RAB4B: variants seen among roughly 807,000 people sequenced by gnomAD.
RAB4B encodes the protein ras-related protein Rab-4B.
In RAB4B, 15 loss-of-function variants were observed where a neutral mutation model predicts 28.3. That is an observed-to-expected ratio of 0.53 (90% CI 0.35 to 0.82). The LOEUF (loss-of-function observed/expected upper bound fraction) is 0.82. Ranked by LOEUF, RAB4B falls within the 40% of genes least tolerant of loss-of-function variation. The probability of loss-of-function intolerance (pLI) is 0.01; values close to 1 mark genes in which losing one functional copy is unlikely to be tolerated. For synonymous variants in RAB4B, 108 were observed against 116.3 expected, an observed-to-expected ratio of 0.93 and a Z score of 0.46; for missense variants, 244 against 288.5, an observed-to-expected ratio of 0.85 and a Z score of 1.12.
At chr19:40,793,565 C>CTTTTTTTTTTTTTTTTTT (rs1269603015) in intron 7 of RAB4B, among the ~76,000 whole-genome samples, 4 of 123,814 alleles carry the variant, frequency 3.2e-5, no homozygotes, top group South Asian at 2.7e-4. Flanking sequence ...CTTTTCTTTT[C>CTTTTTTTTTTTTTTTTTT]TTTTTTGTTT....
chr19:40,783,617 A>G (rs2145044337), intron 3 of RAB4B, among the ~76,000 whole-genome samples, 161 bp from the exon 4 acceptor site: 1 of 151,918 alleles, frequency 6.6e-6, no homozygotes, highest in Middle Eastern at 3.4e-3. Context: ...GGATGCAAGA[A>G]GAGAGAGGAA....
chr19:40,781,638 G>GGAGA (rs371458951), intron 3 of RAB4B, among the ~76,000 whole-genome samples: 2,606 of 150,942 alleles, frequency 0.017, 32 homozygotes, highest in Non-Finnish European at 0.025. Context: ...ACGTGTTGTG[G>GGAGA]GAGAGAGAGA....
At chr19:40,782,214 G>A (rs1259917751) in intron 3 of RAB4B, among the ~76,000 whole-genome samples, 1 of 152,094 alleles carries the variant, frequency 6.6e-6, no homozygotes, top group Non-Finnish European at 1.5e-5. Flanking sequence ...GGATAGACAG[G>A]TGTGTAGCAT....
intron 3 of RAB4B, among the ~76,000 whole-genome samples, chr19:40,783,353 C>T (rs111990666): frequency 0.014 from 2,155 of 151,422 alleles, 65 homozygotes; most frequent in African/African-American, 0.049. Context: ...AGGATCTCTC[C>T]GTTGGGATAC....
chr19:40,794,866 T>C (rs7249450), intron 7 of RAB4B: 117,122 of 151,672 alleles, frequency 0.77, 45,519 homozygotes, highest in African/African-American at 0.83. Flanking sequence ...TGTGCCAGGC[T>C]GGGCATGGTG....
chr19:40,787,985 A>AAAAAC (rs2083118225), intron 7 of RAB4B, among the ~76,000 whole-genome samples: 2 of 143,896 alleles, frequency 1.4e-5, no homozygotes, highest in African/African-American at 5.1e-5. Flanking sequence ...AAAAAAAAAA[A>AAAAAC]AAGAGACATC....
In RAB4B at chr19:40,795,679, G is replaced by A. The variant is rs551688138; in HGVS notation, c.*16-891G>A. Among the ~76,000 whole-genome samples, 189 of 151,934 alleles carry A rather than the reference G, an allele frequency of 1.2e-3. 1 individual carries two copies. The highest frequency in any genetic ancestry group is 4.3e-3 in the African/African-American group (176 of 41,402). On this transcript the variant is annotated intron_variant, in intron 7 of 7. Transcript: ENST00000357052. ...CAAAGTGCTGGGATTACAGGCGTGAGCCACCGTGCCTGGCCGATTTATTTA... is the reference window on the plus strand; with the variant it reads ...CAAAGTGCTGGGATTACAGGCGTGAACCACCGTGCCTGGCCGATTTATTTA...
intron 7 of RAB4B, among the ~76,000 whole-genome samples, chr19:40,789,938 G>C (rs1599747870): frequency 6.6e-6 from 1 of 152,214 alleles, no homozygotes; most frequent in Non-Finnish European, 1.5e-5. Flanking sequence ...TCTAGCGAGG[G>C]GTATGCCTGG....
intron 1 of RAB4B, among the ~76,000 whole-genome samples, chr19:40,778,712 G>A (rs914987212): frequency 6.6e-6 from 1 of 152,244 alleles, no homozygotes; most frequent in South Asian, 2.1e-4. Flanking sequence ...GGGGCTGACT[G>A]CATGAATGGC....
chr19:40,780,296 T>C, intron 2 of RAB4B, 89 bp from the exon 3 acceptor site: 1 of 1,458,178 alleles, frequency 6.9e-7, no homozygotes, highest in Non-Finnish European at 9.3e-7. Context: ...AATGGGTTTG[T>C]AGAGACTGAG....
intron 5 of RAB4B, chr19:40,785,897 A>G (rs1391247045): frequency 6.4e-6 from 1 of 155,366 alleles, no homozygotes; most frequent in Non-Finnish European, 1.4e-5. Flanking sequence ...ACCGGGAGAC[A>G]GGGGTCAGAG....
intron 1 of RAB4B, chr19:40,778,947 A>G: frequency 2.0e-6 from 2 of 986,112 alleles, no homozygotes; most frequent in Non-Finnish European, 2.4e-6. Context: ...GGGATGCACC[A>G]TAGGAGGTGG....
intron 7 of RAB4B, among the ~76,000 whole-genome samples, chr19:40,794,062 T>C (rs565281973): frequency 1.3e-5 from 2 of 151,954 alleles, no homozygotes; most frequent in African/African-American, 4.8e-5. Flanking sequence ...CAATATAATA[T>C]ATCTTTTTAA....
In RAB4B at chr19:40,786,933, G is replaced by GGCCGTGGCCCCTCA; in HGVS notation, c.619_632dup (p.Cys211TrpfsTer63). On this transcript the variant is annotated frameshift_variant, in exon 7 of 8. Transcript: ENST00000357052. LOFTEE classifies it high-confidence loss of function. ...AGCTTCGGCAGCCTCGGAGTGCCCA[G>GGCCGTGGCCCCTCA]GCCGTGGCCCCTCAGCCGTGTGGCT... The GGCCGTGGCCCCTCA allele has an allele frequency of 6.2e-7, 1 of 1,614,060 alleles. No individual in the cohort carries two copies. Among genetic ancestry groups the GGCCGTGGCCCCTCA allele is most frequent in the Non-Finnish European group, 8.5e-7 (1 of 1,179,956 alleles).
intron 3 of RAB4B, among the ~76,000 whole-genome samples, chr19:40,782,137 G>A (rs1421644280): frequency 6.6e-6 from 1 of 152,096 alleles, no homozygotes; most frequent in African/African-American, 2.4e-5. Flanking sequence ...TAGCTGCTGA[G>A]TTAATTCTTG....
chr19:40,791,273 A>G (rs2083156951), intron 7 of RAB4B, among the ~76,000 whole-genome samples: 1 of 152,228 alleles, frequency 6.6e-6, no homozygotes, highest in South Asian at 2.1e-4. Flanking sequence ...TACAGGCCTG[A>G]GCCACTGTGC....
intron 7 of RAB4B, chr19:40,794,648 G>GT (rs1328884182): frequency 6.6e-6 from 1 of 152,144 alleles, no homozygotes; most frequent in Admixed American, 6.6e-5. Flanking sequence ...CACCAAGGCA[G>GT]TGACACACAT....
At chr19:40,778,822 C>T (rs2083020648) in intron 1 of RAB4B, among the ~76,000 whole-genome samples, 1 of 152,028 alleles carries the variant, frequency 6.6e-6, no homozygotes, top group Non-Finnish European at 1.5e-5. Context: ...TGGGGATGGG[C>T]TGTCCTTGAG....
rs757179690 is a variant in RAB4B at position 40,778,335 on chromosome 19, C to T, written c.-41C>T. The T allele has an allele frequency of 6.7e-6, 10 of 1,490,576 alleles. 1 individual carries two copies. The highest frequency in any genetic ancestry group is 1.4e-5 in the African/African-American group (1 of 69,232). The allele number at this position is 1,490,576 out of a possible 1,614,324, so 92.3% of individuals were successfully genotyped here. On this transcript the variant is annotated 5_prime_UTR_variant, in exon 1 of 8. Transcript: ENST00000357052. The stretch of plus-strand genomic sequence containing the variant: ...CTGCCAGCCGAGGAGCAGGCGCGGC[C>T]GCGGCGCCATATTGCGGCCCTCAGC...
Sources: allele counts gnomAD v4.1 joint callset (sites outside exome capture counted in the v4.1 genomes callset), GRCh38; gene constraint gnomAD v4.1.1; transcripts MANE v1.5; gene names NCBI Gene and HGNC (gene_info 2026-07-23, HGNC 2026-07-21).